GNL3: variants seen among roughly 807,000 people sequenced by gnomAD.
GNL3 encodes guanine nucleotide-binding protein-like 3.
In GNL3, 77 loss-of-function variants were observed where a neutral mutation model predicts 70.6. The ratio of observed to expected loss-of-function variants is 1.09; its 90% CI spans 0.91 to 1.32. The LOEUF (loss-of-function observed/expected upper bound fraction) is 1.32. Ranked by LOEUF, GNL3 falls within the 40% of genes most tolerant of loss-of-function variation. The pLI, the probability that GNL3 is intolerant of heterozygous loss-of-function variation, is 0.00. For synonymous variants in GNL3, 252 were observed against 216.1 expected, an observed-to-expected ratio of 1.17 and a Z score of -1.46; for missense variants, 634 against 644.0, an observed-to-expected ratio of 0.98 and a Z score of 0.17.
rs759411241 is a variant in GNL3 at position 52,693,543 on chromosome 3, A to T, written c.1323A>T (p.Arg441Ser). ...AAAAGAACAATGCACAGAGCATAAG[A>T]GGTGAGAATTGTGTGTCGCTGCTGT... is the stretch of plus-strand genomic sequence containing the variant. ...ELEKNNAQSI[R>S]AIKGPHLANS... Residue 441 changes from arginine (R) to serine (S), a missense_variant and splice_region_variant, in exon 12 of 15, where the codon AGA (arginine) becomes AGT (serine). Coordinates refer to ENST00000418458, the MANE Select transcript of GNL3 (RefSeq NM_014366.5). 2 of 1,614,054 alleles carry T rather than the reference A, an allele frequency of 1.2e-6. No homozygotes were observed. The highest frequency in any genetic ancestry group is 2.7e-5 in the African/African-American group (2 of 74,924).
At position 52,691,646 on chromosome 3, in the gene GNL3, A is replaced by G. The variant is rs957414897; in HGVS notation, c.869+17A>G. 8.0e-7 allele frequency: 1 copy of G among 1,250,412 alleles called. No homozygotes were observed. Among genetic ancestry groups the G allele is most frequent in the Non-Finnish European group, 1.2e-6 (1 of 848,228 alleles). 77.5% of individuals were successfully genotyped at this position (1,250,412 alleles called of 1,614,324 possible). ...GCTTACAAGGTAAATGGAGGTGTCCATAATTGTAATATTATAGTGACACAC... is the reference window on the plus strand; with the variant it reads ...GCTTACAAGGTAAATGGAGGTGTCCGTAATTGTAATATTATAGTGACACAC... On this transcript the variant is annotated intron_variant, in intron 9 of 14. Coordinates refer to ENST00000418458, the MANE Select transcript of GNL3 (RefSeq NM_014366.5).
At position 52,693,797 on chromosome 3, in the gene GNL3, A is replaced by C. The variant is rs2097329860; in HGVS notation, c.1490A>C (p.Glu497Ala). Residue 497 changes from glutamate (E) to alanine (A), a missense_variant, in exon 13 of 15, where the codon GAA becomes GCA. Glu to Ala is a moderately radical substitution (Grantham distance 107). Transcript: ENST00000418458. ...GACAGTGACCAGGAAACTGTTGATG[A>C]AGAAGTTGATGTAAGTGTGTCCTCC... Reference protein sequence around the residue: ...DKDSDQETVDEEVDENSSGMF... With the variant: ...DKDSDQETVDAEVDENSSGMF... The C allele has an allele frequency of 6.2e-7, 1 of 1,613,300 alleles. No homozygotes were observed. The highest frequency in any genetic ancestry group is 1.3e-5 in the African/African-American group (1 of 74,870).
In GNL3 at chr3:52,691,024, G is replaced by C; in HGVS notation, c.734G>C (p.Gly245Ala). 6.2e-7 allele frequency: 1 copy of C among 1,613,884 alleles called. No homozygotes were observed. The highest frequency in any genetic ancestry group is 1.1e-5 in the South Asian group (1 of 91,074). Residue 245 changes from glycine (G) to alanine (A), a missense_variant, in exon 8 of 15, where the codon GGA (glycine) becomes GCA (alanine). Physicochemically the swap from Gly to Ala is moderately conservative, Grantham distance 60. Coordinates refer to ENST00000418458, the MANE Select transcript of GNL3 (RefSeq NM_014366.5). ...AAAGAGGGCCTTTGGAAACTTCTTG[G>C]AGGTTTTCAGGAAACTTGCAGCAAA... The part of the protein sequence containing the change: ...FGKEGLWKLL[G>A]GFQETCSKAI...
intron 9 of GNL3, among the ~76,000 whole-genome samples, chr3:52,692,111 AGATT>A (rs2097327846): frequency 6.6e-6 from 1 of 152,228 alleles, no homozygotes; most frequent in Non-Finnish European, 1.5e-5. Context: ...TTCAGCAGAT[AGATT>A]GAGAGAGAGG....
At chr3:52,688,989 T>C (rs2097324742) in intron 5 of GNL3, 85 bp from the exon 6 acceptor site, 1 of 1,100,704 alleles carries the variant, frequency 9.1e-7, no homozygotes, top group Non-Finnish European at 1.4e-6. Context: ...AGTACTCTCT[T>C]GTGGAAGGTA....
chr3:52,686,461 C>A (rs762745864), intron 1 of GNL3: 11 of 568,878 alleles, frequency 1.9e-5, no homozygotes, highest in Admixed American at 3.2e-5. Flanking sequence ...ACTCAGTGTT[C>A]CTCTCCTGCC....
At chr3:52,687,821 T>C in intron 4 of GNL3, 1 of 595,282 alleles carries the variant, frequency 1.7e-6, no homozygotes, top group Admixed American at 3.0e-5. Context: ...GACACGGGCT[T>C]TCACTATATT....
rs144484657 is a variant in GNL3 at position 52,691,876 on chromosome 3, A to G, written c.869+247A>G. The stretch of plus-strand genomic sequence containing the variant: ...TGCCCCCACGCCCGGCTAATTTTGT[A>G]TTTTTAATAGAGACGGGTTTCTCCA... On this transcript the variant is annotated intron_variant, in intron 9 of 14. Transcript: ENST00000418458. Among the ~76,000 whole-genome samples the G allele has an allele frequency of 3.1e-3, 472 of 151,946 alleles. 7 individuals are homozygous for G. The highest frequency in any genetic ancestry group is 0.018 in the Admixed American group (281 of 15,262).
At chr3:52,685,983 A>T (rs769846966), upstream of GNL3, 93 of 761,074 alleles carry the variant, frequency 1.2e-4, no homozygotes, top group South Asian at 8.6e-4. Context: ...AGAGGCGGTG[A>T]CGCACTTTAC....
At chr3:52,692,424 A>G (rs2097328174) in intron 9 of GNL3, among the ~76,000 whole-genome samples, 1 of 139,752 alleles carries the variant, frequency 7.2e-6, no homozygotes, top group South Asian at 2.2e-4. Flanking sequence ...CAGTGGTGCT[A>G]TCTTGGCTCA....
upstream of GNL3, chr3:52,685,920 G>A: frequency 1.5e-6 from 1 of 660,558 alleles, no homozygotes; most frequent in African/African-American, 1.8e-5. Context: ...AACCAGTCCC[G>A]CGGCCGCCAA....
intron 7 of GNL3, 44 bp downstream of exon 7, chr3:52,690,748 G>T (rs753557033): frequency 1.6e-6 from 2 of 1,278,488 alleles, no homozygotes; most frequent in Non-Finnish European, 2.3e-6. Flanking sequence ...TTCAGATTTT[G>T]GTTGAAATAT....
chr3:52,694,214 T>C lies in GNL3; in HGVS notation c.1589T>C (p.Phe530Ser). ...TTAGEQSTRSFILDKIIEEDD... is the reference protein window; with the variant it reads ...TTAGEQSTRSSILDKIIEEDD... ...ATAGGTGAACAGTCTACAAGGTCTT[T>C]TATCTTGGATAAAATCATTGAAGAG... The change falls in exon 15 of 15, where the codon TTT (phenylalanine) becomes TCT (serine). Residue 530 changes from phenylalanine (F) to serine (S), a missense_variant. Transcript: ENST00000418458. 6.3e-7 allele frequency: 1 copy of C among 1,599,774 alleles called. No individual in the cohort carries two copies. Among genetic ancestry groups the C allele is most frequent in the Non-Finnish European group, 8.6e-7 (1 of 1,167,814 alleles).
chr3:52,692,822 A>T, intron 9 of GNL3, 50 bp from the exon 10 acceptor site: 1 of 1,440,236 alleles, frequency 6.9e-7, no homozygotes, highest in Non-Finnish European at 9.7e-7. Flanking sequence ...TCTGTCTCTT[A>T]ACCTCCAAAT....
chr3:52,686,319 G>T, intron 1 of GNL3: 2 of 608,344 alleles, frequency 3.3e-6, no homozygotes, highest in Non-Finnish European at 5.8e-6. Flanking sequence ...GAACGAAGCC[G>T]GGCAGAGGGT....
In GNL3 at chr3:52,687,632, T is replaced by C; in HGVS notation, c.324+17T>C. The C allele has an allele frequency of 6.9e-7, 1 of 1,450,088 alleles. No homozygotes were observed. The highest frequency in any genetic ancestry group is 9.7e-7 in the Non-Finnish European group (1 of 1,033,022). 89.8% of individuals were successfully genotyped at this position (1,450,088 alleles called of 1,614,324 possible). A position where few individuals can be genotyped will look rare whatever the true frequency, so the allele number is the denominator to read the frequency against. ...ATGGAAAAGGTATGATTAGGTCTCTTTATGAATGAGAGATCAGGGGTTTTG... is the reference window on the plus strand; with the variant it reads ...ATGGAAAAGGTATGATTAGGTCTCTCTATGAATGAGAGATCAGGGGTTTTG... On this transcript the variant is annotated intron_variant, in intron 4 of 14. Coordinates refer to ENST00000418458, the MANE Select transcript of GNL3 (RefSeq NM_014366.5).
In GNL3 at chr3:52,687,315, C is replaced by A. The variant is rs543091785; in HGVS notation, c.142C>A (p.Pro48Thr). 6.8e-6 allele frequency: 11 copies of A among 1,612,726 alleles called. No homozygotes were observed. The African/African-American group carries it at 1.5e-4, about 22-fold the overall frequency. ...GGGTCACAAGAAGCCTAGGAAAGAC[C>A]CAGGAGTTCCAAACAGTGCTCCCTT... ...KRGHKKPRKDPGVPNSAPFKE... is the reference protein window; with the variant it reads ...KRGHKKPRKDTGVPNSAPFKE... Residue 48 changes from proline to threonine, a missense_variant, in exon 3 of 15, where the codon CCA (proline) becomes ACA (threonine). By Grantham distance (38) the Pro-to-Thr change is conservative. Coordinates refer to ENST00000418458, the MANE Select transcript of GNL3 (RefSeq NM_014366.5).
intron 1 of GNL3, 28 bp downstream of exon 1, chr3:52,686,133 A>C (rs1281763310): frequency 6.3e-7 from 1 of 1,594,610 alleles, no homozygotes; most frequent in Non-Finnish European, 8.6e-7. Context: ...GCGGGCGTGG[A>C]GGGACCCACG....
Position 52,692,887 on chromosome 3 carries a change from C to G in GNL3, c.885C>G (p.Val295=). The stretch of plus-strand genomic sequence containing the variant: ...CTTCTTTCAGGAGCATGCAAGTTGT[C>G]CCCTTGGACAAACAGATCACAATCA... ...SMGLTRSMQV[V]PLDKQITIID... is the part of the protein sequence containing the mutation. The change falls in exon 10 of 15, where the codon GTC becomes GTG. Residue 295 remains valine, a synonymous_variant. Transcript: ENST00000418458. The G allele has an allele frequency of 6.2e-7, 1 of 1,612,832 alleles. No homozygotes were observed.
Sources: allele counts gnomAD v4.1 joint callset (sites outside exome capture counted in the v4.1 genomes callset), GRCh38; gene constraint gnomAD v4.1.1; transcripts MANE v1.5; gene names NCBI Gene and HGNC (gene_info 2026-07-23, HGNC 2026-07-21).